The following SLC25A26 variants were observed in gnomAD, a reference collection of about 807,000 sequenced individuals.
The protein encoded by SLC25A26 is mitochondrial S-adenosylmethionine carrier protein.
A neutral mutation model predicts 37.8 loss-of-function variants in SLC25A26; 36 were observed. The observed-to-expected ratio is 0.95, with a 90% CI of 0.73 to 1.26. The LOEUF is 1.26. Among genes scored for constraint, SLC25A26 ranks in the 50% most tolerant of loss-of-function variants. The pLI is 0.00. For synonymous variants in SLC25A26, 129 were observed against 122.5 expected (o/e 1.05, Z -0.35); for missense variants, 390 against 331.1 (o/e 1.18, Z -1.38).
chr3:66,271,788 A>C (rs1331077994), intron 5 of SLC25A26, among the ~76,000 whole-genome samples: 2 of 151,768 alleles, frequency 1.3e-5, no homozygotes, highest in Non-Finnish European at 2.9e-5. Context: ...GTGGGCATCC[A>C]TCGTTGTTAA....
intron 3 of SLC25A26, among the ~76,000 whole-genome samples, chr3:66,254,802 G>A (rs1160603164): frequency 1.3e-5 from 2 of 152,212 alleles, no homozygotes; most frequent in Non-Finnish European, 2.9e-5. Context: ...ATATTTGCAG[G>A]TAGTTGATGG....
chr3:66,166,012 A>C (rs997874057), intron 1 of SLC25A26, among the ~76,000 whole-genome samples: 1 of 150,788 alleles, frequency 6.6e-6, no homozygotes, highest in Non-Finnish European at 1.5e-5. Flanking sequence ...ATTCTCTGAT[A>C]TATAAAATTA....
chr3:66,217,372 T>C (rs1385906613), upstream of SLC25A26, among the ~76,000 whole-genome samples: 1 of 152,224 alleles, frequency 6.6e-6, no homozygotes, highest in African/African-American at 2.4e-5. Context: ...TGATAACTTA[T>C]CAGTCTCTCA....
At chr3:66,359,137 T>G (rs2076641018) in intron 6 of SLC25A26, among the ~76,000 whole-genome samples, 1 of 152,212 alleles carries the variant, frequency 6.6e-6, no homozygotes, top group Non-Finnish European at 1.5e-5. Context: ...TCTGTGGAGA[T>G]TCTGTTTTTA....
intron 3 of SLC25A26, among the ~76,000 whole-genome samples, chr3:66,250,318 A>G (rs1292470308): frequency 6.6e-6 from 1 of 152,206 alleles, no homozygotes; most frequent in Non-Finnish European, 1.5e-5. Flanking sequence ...ACAGGATAAG[A>G]TACTGCCTTT....
At chr3:66,345,443 C>G (rs1382928026) in intron 5 of SLC25A26, among the ~76,000 whole-genome samples, 1 of 151,430 alleles carries the variant, frequency 6.6e-6, no homozygotes, top group Non-Finnish European at 1.5e-5. Context: ...TCTTTTCTCC[C>G]TCTCCTTTCC....
intron 3 of SLC25A26, among the ~76,000 whole-genome samples, chr3:66,250,580 G>A (rs2073042514): frequency 6.6e-6 from 1 of 152,166 alleles, no homozygotes; most frequent in Non-Finnish European, 1.5e-5. Flanking sequence ...AGTATTCTGA[G>A]CAATTTTAGG....
chr3:66,200,742 C>T (rs2071098182), intron 1 of SLC25A26, among the ~76,000 whole-genome samples: 1 of 152,064 alleles, frequency 6.6e-6, no homozygotes, highest in South Asian at 2.1e-4. Flanking sequence ...TTTTATAGGC[C>T]ACAGAGTTAT....
intron 1 of SLC25A26, among the ~76,000 whole-genome samples, chr3:66,209,903 T>TATATATATAC (rs2071258907): frequency 6.0e-5 from 1 of 16,618 alleles, no homozygotes; most frequent in Non-Finnish European, 1.1e-4. Flanking sequence ...TCTATTTATA[T>TATATATATAC]ATATATATAT....
At chr3:66,300,107 A>G (rs1167977538) in intron 5 of SLC25A26, among the ~76,000 whole-genome samples, 2 of 152,134 alleles carry the variant, frequency 1.3e-5, no homozygotes, top group African/African-American at 2.4e-5. Flanking sequence ...TCATATTTTC[A>G]AAATGCCCGT....
exon 1 of SLC25A26, chr3:66,133,677 A>G (rs2069904221): frequency 6.6e-6 from 1 of 152,188 alleles, no homozygotes; most frequent in South Asian, 2.1e-4. Flanking sequence ...GTGGTTTTCC[A>G]AAAGCTGTAC....
At chr3:66,291,143 G>T (rs1252262852) in intron 5 of SLC25A26, among the ~76,000 whole-genome samples, 2 of 152,152 alleles carry the variant, frequency 1.3e-5, no homozygotes, top group Admixed American at 6.5e-5. Context: ...TTGTATTTCT[G>T]TGGGTTCAGT....
At chr3:66,142,099 A>G (rs975951944) in intron 1 of SLC25A26, among the ~76,000 whole-genome samples, 4 of 152,086 alleles carry the variant, frequency 2.6e-5, no homozygotes, top group African/African-American at 9.7e-5. Flanking sequence ...CATTTTCATC[A>G]CTCCAAAATT....
chr3:66,308,182 A>C (rs1276968700), intron 5 of SLC25A26, among the ~76,000 whole-genome samples: 1 of 152,100 alleles, frequency 6.6e-6, no homozygotes, highest in Non-Finnish European at 1.5e-5. Flanking sequence ...TTTCTTGAGC[A>C]GTAATTTGTA....
chr3:66,167,929 G>A (rs140542106), intron 1 of SLC25A26, among the ~76,000 whole-genome samples: 3,662 of 151,892 alleles, frequency 0.024, 153 homozygotes, highest in African/African-American at 0.083. Flanking sequence ...CGAGGCGGGC[G>A]GATCACCTGA....
intron 1 of SLC25A26, among the ~76,000 whole-genome samples, chr3:66,160,200 G>C (rs1408083275): frequency 6.6e-6 from 1 of 152,036 alleles, no homozygotes; most frequent in Non-Finnish European, 1.5e-5. Flanking sequence ...ATATTGGACA[G>C]GCTGGTCTCG....
intron 1 of SLC25A26, among the ~76,000 whole-genome samples, chr3:66,203,103 G>A (rs1343165057): frequency 6.6e-6 from 1 of 152,116 alleles, no homozygotes; most frequent in African/African-American, 2.4e-5. Flanking sequence ...AGTTCTGGCT[G>A]GGTGCAGTGG....
At chr3:66,233,551 G>A (rs868909461) in intron 1 of SLC25A26, among the ~76,000 whole-genome samples, 43 of 152,164 alleles carry the variant, frequency 2.8e-4, no homozygotes, top group Non-Finnish European at 3.1e-4. Flanking sequence ...TAATTAGGTT[G>A]TTACTGGCTT....
chr3:66,317,818 A>G (rs989712927), intron 5 of SLC25A26, among the ~76,000 whole-genome samples: 1 of 152,114 alleles, frequency 6.6e-6, no homozygotes, highest in African/African-American at 2.4e-5. Context: ...GGATGCTGAA[A>G]TTCCCACAGG....
Sources: gnomAD v4.1 joint callset for allele counts (sites outside exome capture counted in the v4.1 genomes callset) on GRCh38, gnomAD v4.1.1 for gene constraint, MANE v1.5 for transcripts, NCBI Gene and HGNC (gene_info 2026-07-23, HGNC 2026-07-21) for gene names.